Variants in LRP5 observed in about 807,000 individuals in gnomAD.
The protein encoded by LRP5 is low-density lipoprotein receptor-related protein 5.
Under a neutral mutation model 154.1 loss-of-function variants are expected in LRP5, and 62 were observed. The ratio of observed to expected loss-of-function variants is 0.40; its 90% CI spans 0.33 to 0.50. LRP5 has a LOEUF of 0.50. Among genes scored for constraint, LRP5 ranks in the 20% least tolerant of loss-of-function variants. The pLI is 0.55. For missense variants in LRP5, 1,915 were observed against 2,336.7 expected, an observed-to-expected ratio of 0.82 and a Z score of 3.72; for synonymous variants, 966 against 1,011.5, an observed-to-expected ratio of 0.96 and a Z score of 0.85.
At chr11:68,380,999 G>A (rs2098639955) in intron 5 of LRP5, among the ~76,000 whole-genome samples, 2 of 152,348 alleles carry the variant, frequency 1.3e-5, no homozygotes, top group Middle Eastern at 3.4e-3. Context: ...GTAATCAAGC[G>A]AGGATGAGGT....
upstream of LRP5, among the ~76,000 whole-genome samples, chr11:68,312,416 G>A (rs1459449895): frequency 6.7e-6 from 1 of 150,334 alleles, no homozygotes; most frequent in Non-Finnish European, 1.5e-5. Flanking sequence ...AGGGCAGGGC[G>A]GGGAGCGCGG....
intron 1 of LRP5, among the ~76,000 whole-genome samples, chr11:68,323,674 C>T (rs939466769): frequency 6.6e-6 from 1 of 152,230 alleles, no homozygotes; most frequent in Non-Finnish European, 1.5e-5. Flanking sequence ...CTTGCCTCAG[C>T]TTCCCAAAGT....
In LRP5 at chr11:68,438,691, C is replaced by G. The variant is rs1201087132; in HGVS notation, c.4348+9C>G. 1.2e-6 allele frequency: 2 copies of G among 1,608,944 alleles called. No homozygotes were observed. Among genetic ancestry groups the G allele is most frequent in the Non-Finnish European group, 1.7e-6 (2 of 1,178,500 alleles). ...GCATGGCCCCTTCACAGGTAAGGAGCCTGAGATATGGAATGATCTGGAGGA... is the reference window on the plus strand; with the variant it reads ...GCATGGCCCCTTCACAGGTAAGGAGGCTGAGATATGGAATGATCTGGAGGA... On this transcript the variant is annotated intron_variant, in intron 20 of 22. Transcript: ENST00000294304.
intron 9 of LRP5, among the ~76,000 whole-genome samples, chr11:68,407,467 C>T (rs762087110): frequency 3.3e-5 from 5 of 151,370 alleles, no homozygotes; most frequent in African/African-American, 7.3e-5. Context: ...CCACCGTTCC[C>T]GGCCTAGGAA....
chr11:68,362,114 C>G (rs2098628428), intron 3 of LRP5, among the ~76,000 whole-genome samples: 1 of 152,250 alleles, frequency 6.6e-6, no homozygotes, highest in Admixed American at 6.5e-5. Flanking sequence ...GAAGCACTGA[C>G]ATGCTACAGC....
At chr11:68,373,647 G>T (rs1035029270) in intron 5 of LRP5, among the ~76,000 whole-genome samples, 5 of 152,210 alleles carry the variant, frequency 3.3e-5, no homozygotes, top group Non-Finnish European at 7.3e-5. Flanking sequence ...TGCAGAGCCT[G>T]GGCCTCCGGC....
chr11:68,443,260 T>C (rs1257518025), intron 21 of LRP5, among the ~76,000 whole-genome samples: 2 of 151,748 alleles, frequency 1.3e-5, no homozygotes, highest in African/African-American at 4.8e-5. Flanking sequence ...CTCAGCACTT[T>C]AGGAGGCTGA....
chr11:68,416,949 C>G (rs1032260321), intron 13 of LRP5, among the ~76,000 whole-genome samples: 1 of 152,196 alleles, frequency 6.6e-6, no homozygotes, highest in Non-Finnish European at 1.5e-5. Context: ...AAAAATGACA[C>G]AACTCATAGG....
chr11:68,347,881 C>T lies in LRP5; in HGVS notation c.126C>T (p.Asp42=), dbSNP rs573589930. 12 of 1,613,598 alleles carry T rather than the reference C, an allele frequency of 7.4e-6. No individual in the cohort carries two copies. Among genetic ancestry groups the T allele is most frequent in the African/African-American group, 5.3e-5 (4 of 74,948 alleles). Residue 42 remains aspartate, a synonymous_variant, in exon 2 of 23, where the codon GAC becomes GAT. Coordinates refer to ENST00000294304, the MANE Select transcript of LRP5 (RefSeq NM_002335.4). The part of the protein sequence containing the change: ...SPLLLFANRR[D]VRLVDAGGVK... Reference sequence around the variant, plus strand: ...TCCTGCTATTTGCCAACCGCCGGGACGTACGGCTGGTGGACGCCGGCGGAG... The same window carrying T: ...TCCTGCTATTTGCCAACCGCCGGGATGTACGGCTGGTGGACGCCGGCGGAG...
chr11:68,314,137 T>C (rs1304318077), intron 1 of LRP5, among the ~76,000 whole-genome samples: 2 of 152,162 alleles, frequency 1.3e-5, no homozygotes, highest in Non-Finnish European at 2.9e-5. Context: ...CGCTCCTTTT[T>C]CCGGAAATGC....
At position 68,411,630 on chromosome 11, in the gene LRP5, G is replaced by A. The variant is rs191125304; in HGVS notation, c.2503+10G>A. On this transcript the variant is annotated intron_variant, in intron 11 of 22. Coordinates refer to ENST00000294304, the MANE Select transcript of LRP5 (RefSeq NM_002335.4). ...TCGTCCAACATGCTGGGTGAGGGCC[G>A]GGCTGGGGCCTTCTGGTCATGGAGG... The A allele has an allele frequency of 1.2e-4, 192 of 1,604,424 alleles. No individual in the cohort carries two copies. Among genetic ancestry groups the A allele is most frequent in the African/African-American group, 1.2e-3 (88 of 74,946 alleles).
At chr11:68,442,079 C>T (rs779698161) in intron 21 of LRP5, among the ~76,000 whole-genome samples, 4 of 152,234 alleles carry the variant, frequency 2.6e-5, no homozygotes, top group African/African-American at 4.8e-5. Flanking sequence ...TGTACATATG[C>T]AAGCATACAA....
At chr11:68,444,618 G>T (rs1334012653) in intron 21 of LRP5, among the ~76,000 whole-genome samples, 1 of 132,278 alleles carries the variant, frequency 7.6e-6, no homozygotes, top group Non-Finnish European at 1.5e-5. Context: ...TTTGAATAGG[G>T]CCTGGCCGTG....
chr11:68,401,412 C>T (rs112818008), intron 7 of LRP5, among the ~76,000 whole-genome samples: 3 of 152,298 alleles, frequency 2.0e-5, no homozygotes, highest in East Asian at 1.9e-4. Flanking sequence ...TCATCAGAAC[C>T]GCCTGTTGGG....
At chr11:68,376,113 A>G (rs544962638) in intron 5 of LRP5, among the ~76,000 whole-genome samples, 9 of 148,902 alleles carry the variant, frequency 6.0e-5, no homozygotes, top group Non-Finnish European at 1.3e-4. Context: ...CCTGAGCCCT[A>G]TACCCAGGCA....
intron 16 of LRP5, among the ~76,000 whole-genome samples, chr11:68,426,751 A>G (rs529432837): frequency 1.3e-5 from 2 of 152,310 alleles, no homozygotes; most frequent in East Asian, 3.9e-4. Flanking sequence ...CAGTTCTGTA[A>G]GGCAAAGTCC....
intron 1 of LRP5, among the ~76,000 whole-genome samples, chr11:68,339,461 C>A (rs1157716144): frequency 6.6e-6 from 1 of 152,118 alleles, no homozygotes; most frequent in Non-Finnish European, 1.5e-5. Context: ...GATTCTCTTG[C>A]CTCAGCCTCC....
intron 1 of LRP5, among the ~76,000 whole-genome samples, chr11:68,327,195 C>T (rs531681667): frequency 5.3e-5 from 8 of 152,340 alleles, no homozygotes; most frequent in Middle Eastern, 3.4e-3. Flanking sequence ...TCCTCCAGGA[C>T]GGTTCTTGCC....
intron 8 of LRP5, chr11:68,404,250 C>G: frequency 1.9e-6 from 1 of 520,604 alleles, no homozygotes; most frequent in African/African-American, 1.9e-5. Flanking sequence ...GAGAGAGCAG[C>G]ATCCAGGTGC....
Sources: gnomAD v4.1 joint callset for allele counts (sites outside exome capture counted in the v4.1 genomes callset) on GRCh38, gnomAD v4.1.1 for gene constraint, MANE v1.5 for transcripts, NCBI Gene and HGNC (gene_info 2026-07-23, HGNC 2026-07-21) for gene names.